SLC35F4: variants seen among roughly 807,000 people sequenced by gnomAD.
The protein encoded by SLC35F4 is solute carrier family 35 member F4.
SLC35F4 carries 24 observed loss-of-function variants against 44.2 expected under a neutral mutation model. The ratio of observed to expected loss-of-function variants is 0.54; its 90% CI spans 0.39 to 0.76. The LOEUF (loss-of-function observed/expected upper bound fraction) is 0.76. Among genes scored for constraint, SLC35F4 ranks in the 30% least tolerant of loss-of-function variants. The pLI, the probability that SLC35F4 is intolerant of heterozygous loss-of-function variation, is 0.00. For missense variants in SLC35F4, 562 were observed against 586.1 expected, an observed-to-expected ratio of 0.96 and a Z score of 0.42; for synonymous variants, 238 against 223.6, an observed-to-expected ratio of 1.06 and a Z score of -0.57.
chr14:57,760,809 C>T (rs2077105993), intron 1 of SLC35F4, among the ~76,000 whole-genome samples: 1 of 152,164 alleles, frequency 6.6e-6, no homozygotes, highest in Admixed American at 6.6e-5. Flanking sequence ...CTGTGTGAGT[C>T]TCAGATACCA....
intron 1 of SLC35F4, chr14:57,630,365 A>G (rs2072708892): frequency 1.6e-6 from 1 of 615,974 alleles, no homozygotes; most frequent in South Asian, 1.6e-5. Context: ...GACCACACAT[A>G]GCAGAAGCCA....
chr14:57,658,058 G>A (rs1377063446), intron 1 of SLC35F4, among the ~76,000 whole-genome samples: 1 of 152,162 alleles, frequency 6.6e-6, no homozygotes, highest in Non-Finnish European at 1.5e-5. Context: ...AAGTAGCTAT[G>A]ATGATTATGA....
chr14:57,801,290 T>C (rs2078187706), intron 1 of SLC35F4, among the ~76,000 whole-genome samples: 1 of 151,644 alleles, frequency 6.6e-6, no homozygotes, highest in East Asian at 1.9e-4. Context: ...GAAGGAGAAA[T>C]AAGATCCTTT....
intron 1 of SLC35F4, among the ~76,000 whole-genome samples, chr14:57,970,110 C>G (rs1175978265): frequency 6.6e-6 from 1 of 152,174 alleles, no homozygotes. Context: ...TACCAAGAAT[C>G]CTTCTCAGTA....
chr14:57,848,857 AGGATCCACCTT>A (rs1238892303), intron 1 of SLC35F4, among the ~76,000 whole-genome samples: 7 of 152,184 alleles, frequency 4.6e-5, no homozygotes, highest in Non-Finnish European at 5.9e-5. Context: ...ATACATGCTG[AGGATCCACCTT>A]GGTTACTTCA....
At chr14:57,701,021 A>G (rs2075525619) in intron 1 of SLC35F4, among the ~76,000 whole-genome samples, 1 of 151,998 alleles carries the variant, frequency 6.6e-6, no homozygotes, top group Non-Finnish European at 1.5e-5. Flanking sequence ...TGTACCTATA[A>G]AGACAGGGTC....
chr14:57,630,346 C>T (rs372635688), intron 1 of SLC35F4: 21 of 593,930 alleles, frequency 3.5e-5, no homozygotes, highest in South Asian at 2.4e-4. Flanking sequence ...AACAGTAGAC[C>T]GACTGGAAGA....
At chr14:57,717,318 C>T (rs551537147) in intron 1 of SLC35F4, among the ~76,000 whole-genome samples, 1 of 152,232 alleles carries the variant, frequency 6.6e-6, no homozygotes, top group African/African-American at 2.4e-5. Flanking sequence ...TGCACTAATT[C>T]ACATTCCTAC....
intron 1 of SLC35F4, among the ~76,000 whole-genome samples, chr14:57,627,912 C>T: frequency 6.6e-6 from 1 of 151,830 alleles, no homozygotes; most frequent in East Asian, 1.9e-4. Flanking sequence ...GCTGTTTTCC[C>T]CTTTATTCTT....
chr14:57,630,720 T>C (rs562590659), intron 1 of SLC35F4: 1 of 542,226 alleles, frequency 1.8e-6, no homozygotes, highest in African/African-American at 1.9e-5. Flanking sequence ...TTTAGGCGTG[T>C]GTCATTCACT....
chr14:57,592,981 A>C (rs2070282527), intron 2 of SLC35F4, among the ~76,000 whole-genome samples: 1 of 152,194 alleles, frequency 6.6e-6, no homozygotes, highest in Admixed American at 6.5e-5. Flanking sequence ...GGAGAGAAAC[A>C]AATGGGCCAG....
At chr14:57,872,420 A>G (rs1476036154) in intron 1 of SLC35F4, among the ~76,000 whole-genome samples, 2 of 152,054 alleles carry the variant, frequency 1.3e-5, no homozygotes, top group Non-Finnish European at 2.9e-5. Context: ...AGCTAAAAAG[A>G]TCGCACCAAA....
At chr14:57,836,719 T>A (rs1016996082) in intron 1 of SLC35F4, among the ~76,000 whole-genome samples, 4 of 152,170 alleles carry the variant, frequency 2.6e-5, no homozygotes, top group Non-Finnish European at 5.9e-5. Context: ...TTGTTTCCTT[T>A]GTACTCCCCT....
At chr14:57,763,612 G>T (rs1489877777) in intron 1 of SLC35F4, among the ~76,000 whole-genome samples, 1 of 152,104 alleles carries the variant, frequency 6.6e-6, no homozygotes, top group East Asian at 1.9e-4. Context: ...TTAAAGTGGT[G>T]CCTGAAACAC....
intron 1 of SLC35F4, among the ~76,000 whole-genome samples, chr14:57,797,876 G>A (rs1209745667): frequency 6.6e-6 from 1 of 152,002 alleles, no homozygotes; most frequent in Non-Finnish European, 1.5e-5. Context: ...ACTTGGCCAC[G>A]TGACTCACTA....
chr14:57,669,658 GC>G (rs2074446025), intron 1 of SLC35F4, among the ~76,000 whole-genome samples: 1 of 152,116 alleles, frequency 6.6e-6, no homozygotes, highest in East Asian at 1.9e-4. Context: ...TGTTGAACCA[GC>G]CTTGCATCCC....
chr14:57,872,945 T>A (rs1164939754), intron 1 of SLC35F4, among the ~76,000 whole-genome samples: 1 of 152,202 alleles, frequency 6.6e-6, no homozygotes, highest in East Asian at 1.9e-4. Context: ...CACTGGCACA[T>A]ACCCCTGCTC....
At chr14:57,770,221 G>C (rs1242652451) in intron 1 of SLC35F4, among the ~76,000 whole-genome samples, 1 of 152,186 alleles carries the variant, frequency 6.6e-6, no homozygotes, top group Non-Finnish European at 1.5e-5. Context: ...TTCCAACAGA[G>C]AAGCACCGAG....
intron 1 of SLC35F4, among the ~76,000 whole-genome samples, chr14:57,719,829 C>A (rs1453564970): frequency 2.0e-5 from 3 of 152,012 alleles, no homozygotes; most frequent in Non-Finnish European, 1.5e-5. Context: ...ATTGCCCTAG[C>A]TAGGACTTCC....
Sources: allele counts gnomAD v4.1 joint callset (sites outside exome capture counted in the v4.1 genomes callset), GRCh38; gene constraint gnomAD v4.1.1; transcripts MANE v1.5; gene names NCBI Gene and HGNC (gene_info 2026-07-23, HGNC 2026-07-21).